Variants in HOATZ observed in about 807,000 individuals in gnomAD.
HOATZ encodes the protein cilia- and flagella-associated protein HOATZ.
In HOATZ, 26 loss-of-function variants were observed where a neutral mutation model predicts 24.9. That is an observed-to-expected ratio of 1.04 (90% confidence interval 0.76 to 1.45). The LOEUF (loss-of-function observed/expected upper bound fraction) is 1.45, where lower values mean the gene tolerates loss of function less well. HOATZ is among the 40% of genes most tolerant of loss of function. The probability of loss-of-function intolerance (pLI) is 0.00; values close to 1 mark genes in which losing one functional copy is unlikely to be tolerated. For synonymous variants in HOATZ, 83 were observed against 76.6 expected (o/e 1.08, Z -0.43); for missense variants, 226 against 201.5 (o/e 1.12, Z -0.74).
chr11:111,531,468 T>C (rs540621436), intron 3 of HOATZ, among the ~76,000 whole-genome samples: 1 of 152,330 alleles, frequency 6.6e-6, no homozygotes, highest in South Asian at 2.1e-4. Context: ...TATAAAGTGC[T>C]ATGTAATCAC....
rs142146067 is a variant in HOATZ at position 111,529,141 on chromosome 11, C to T, written c.340-4605C>T. Among the ~76,000 whole-genome samples, 469 of 152,222 alleles carry T rather than the reference C, an allele frequency of 3.1e-3. 1 individual carries two copies. The highest frequency in any genetic ancestry group is 0.011 in the African/African-American group (437 of 41,530). ...GTTTGTTTTTATCTTCTCTGCTTCC[C>T]CCTCTTCCTTTTTTTTCCAAACCCA... On this transcript the variant is annotated intron_variant, in intron 3 of 5. Transcript: ENST00000375618.
intron 3 of HOATZ, among the ~76,000 whole-genome samples, chr11:111,528,126 A>C (rs1177751566): frequency 6.6e-6 from 1 of 151,370 alleles, no homozygotes; most frequent in Non-Finnish European, 1.5e-5. Flanking sequence ...GTTCAAGACT[A>C]GCCTAGGCAA....
At position 111,514,975 on chromosome 11, in the gene HOATZ, TGCC is replaced by T; in HGVS notation, c.193_195del (p.Pro65del). 6.2e-7 allele frequency: 1 copy of T among 1,613,618 alleles called. No individual in the cohort carries two copies. The highest frequency in any genetic ancestry group is 1.1e-5 in the South Asian group (1 of 91,084). ...CTGCGCAGAGACAGCAGTCAGCGTC[TGCC>T]GGTGGCGCGGCCCAGGAGGAGCAGA... is the stretch of plus-strand genomic sequence containing the variant. On this transcript the variant is annotated inframe_deletion, in exon 1 of 6. Transcript: ENST00000375618.
chr11:111,526,043 C>A (rs1231598631), intron 3 of HOATZ, among the ~76,000 whole-genome samples: 1 of 152,156 alleles, frequency 6.6e-6, no homozygotes, highest in African/African-American at 2.4e-5. Context: ...ATTAACCAGA[C>A]TGAGATTTGA....
intron 3 of HOATZ, among the ~76,000 whole-genome samples, chr11:111,524,662 T>C (rs573793616): frequency 1.3e-5 from 2 of 152,306 alleles, no homozygotes; most frequent in South Asian, 4.1e-4. Flanking sequence ...TAAATGCTTG[T>C]GTCATTCCTT....
chr11:111,517,943 T>C (rs633065), intron 3 of HOATZ, among the ~76,000 whole-genome samples: 147,877 of 152,112 alleles, frequency 0.97, 72,019 homozygotes, highest in Middle Eastern at 1. Context: ...TTAGCATGTT[T>C]GAATTCCTTT....
chr11:111,521,888 C>G (rs1446922494), intron 3 of HOATZ, among the ~76,000 whole-genome samples: 1 of 152,156 alleles, frequency 6.6e-6, no homozygotes, highest in Non-Finnish European at 1.5e-5. Flanking sequence ...TCTTTAGTAA[C>G]ATCTACAGTC....
At chr11:111,517,634 G>A (rs577713255) in intron 3 of HOATZ, among the ~76,000 whole-genome samples, 2 of 152,234 alleles carry the variant, frequency 1.3e-5, no homozygotes, top group East Asian at 1.9e-4. Context: ...CAATCCAGTG[G>A]AGGAGACAGC....
At chr11:111,515,974 A>G in intron 2 of HOATZ, 66 bp from the exon 3 acceptor site, 1 of 1,090,630 alleles carries the variant, frequency 9.2e-7, no homozygotes, top group Non-Finnish European at 1.4e-6. Context: ...GTCCAATTTT[A>G]TATCAATTTT....
At position 111,525,558 on chromosome 11, in the gene HOATZ, G is replaced by GAA. The variant is rs202022408; in HGVS notation, c.340-8185_340-8184dup. On this transcript the variant is annotated intron_variant, in intron 3 of 5. Coordinates refer to ENST00000375618, the MANE Select transcript of HOATZ (RefSeq NM_001100388.2). ...TACAGAATGTTGGCCAGAAGCAACT[G>GAA]AAAACTCTGTAGGCTTCAGAAGAAA... Among the ~76,000 whole-genome samples the GAA allele has an allele frequency of 2.1e-4, 32 of 152,210 alleles. 1 individual carries two copies. The highest frequency in any genetic ancestry group is 7.5e-4 in the African/African-American group (31 of 41,466).
chr11:111,516,866 C>A (rs1363302592), intron 3 of HOATZ, among the ~76,000 whole-genome samples: 1 of 152,194 alleles, frequency 6.6e-6, no homozygotes, highest in South Asian at 2.1e-4. Flanking sequence ...ATCAGCTGAG[C>A]ACAGTTCTCT....
intron 3 of HOATZ, among the ~76,000 whole-genome samples, chr11:111,518,384 T>C (rs1000435883): frequency 1.3e-5 from 2 of 152,236 alleles, no homozygotes; most frequent in Non-Finnish European, 2.9e-5. Flanking sequence ...AATTGTCTTA[T>C]AGATATAGTG....
intron 3 of HOATZ, among the ~76,000 whole-genome samples, chr11:111,531,966 A>T (rs1159827801): frequency 6.6e-6 from 1 of 152,172 alleles, no homozygotes; most frequent in Admixed American, 6.5e-5. Flanking sequence ...GGGGCTTTGC[A>T]CACGCTGTTT....
intron 5 of HOATZ, chr11:111,536,566 G>T (rs1317546249): frequency 1.5e-5 from 7 of 456,140 alleles, no homozygotes; most frequent in Non-Finnish European, 2.8e-5. Flanking sequence ...GGGTAGGAGG[G>T]CTCCTGTACC....
chr11:111,526,884 A>G (rs1324652089), intron 3 of HOATZ: 2 of 152,228 alleles, frequency 1.3e-5, no homozygotes, highest in Admixed American at 6.5e-5. Context: ...ACCAGCAACA[A>G]TGAAAATCTT....
At chr11:111,528,092 T>G (rs1281530848) in intron 3 of HOATZ, among the ~76,000 whole-genome samples, 1 of 150,562 alleles carries the variant, frequency 6.6e-6, no homozygotes, top group African/African-American at 2.4e-5. Context: ...CTGACCAAAG[T>G]GGGAGACTGG....
At chr11:111,534,958 C>G (rs565222644) in intron 5 of HOATZ, 1 of 154,412 alleles carries the variant, frequency 6.5e-6, no homozygotes. Context: ...AACAGTTTAA[C>G]AGTCTAGAAG....
At chr11:111,515,431 T>C in intron 1 of HOATZ, 80 bp from the exon 2 acceptor site, 1 of 1,133,786 alleles carries the variant, frequency 8.8e-7, no homozygotes, top group Non-Finnish European at 1.3e-6. Flanking sequence ...TATGCAATTG[T>C]TATAGTATAA....
intron 3 of HOATZ, among the ~76,000 whole-genome samples, chr11:111,525,644 A>T (rs1374211704): frequency 2.0e-5 from 3 of 152,248 alleles, no homozygotes; most frequent in African/African-American, 7.2e-5. Context: ...AGAAGGGCCA[A>T]GCAAAGCCAT....
Sources: allele counts gnomAD v4.1 joint callset (sites outside exome capture counted in the v4.1 genomes callset), GRCh38; gene constraint gnomAD v4.1.1; transcripts MANE v1.5; gene names NCBI Gene and HGNC (gene_info 2026-07-23, HGNC 2026-07-21).